RBFOX1: variants seen among roughly 807,000 people sequenced by gnomAD.
RBFOX1 encodes RNA binding fox-1 homolog 1.
A neutral mutation model predicts 57.7 loss-of-function variants in RBFOX1; 8 were observed. The observed-to-expected ratio is 0.14, with a 90% confidence interval of 0.08 to 0.25. The LOEUF (loss-of-function observed/expected upper bound fraction) is 0.25. Among genes scored for constraint, RBFOX1 ranks in the 10% least tolerant of loss-of-function variants. RBFOX1 has a pLI of 1.00. For missense variants in RBFOX1, 611 were observed against 548.5 expected, an observed-to-expected ratio of 1.11 and a Z score of -1.14; for synonymous variants, 326 against 222.4, an observed-to-expected ratio of 1.47 and a Z score of -4.15.
At chr16:7,066,592 C>G (rs2056096863) in intron 4 of RBFOX1, among the ~76,000 whole-genome samples, 2 of 152,120 alleles carry the variant, frequency 1.3e-5, no homozygotes, top group Non-Finnish European at 2.9e-5. Flanking sequence ...CCTTCTTGAC[C>G]CTGACTCATA....
chr16:7,420,105 G>C (rs938345282), intron 4 of RBFOX1, among the ~76,000 whole-genome samples: 1 of 151,918 alleles, frequency 6.6e-6, no homozygotes, highest in African/African-American at 2.4e-5. Flanking sequence ...CCTGTTCAGC[G>C]TTTGACAACT....
intron 4 of RBFOX1, among the ~76,000 whole-genome samples, chr16:7,152,856 A>G (rs907758906): frequency 6.6e-6 from 1 of 152,200 alleles, no homozygotes; most frequent in African/African-American, 2.4e-5. Flanking sequence ...TCTTGCATGA[A>G]GGCACTTAAT....
intron 7 of RBFOX1, among the ~76,000 whole-genome samples, chr16:7,591,330 G>C (rs901935518): frequency 6.6e-6 from 1 of 152,102 alleles, no homozygotes; most frequent in South Asian, 2.1e-4. Flanking sequence ...AGAAACTAGA[G>C]GACTGGATTT....
At chr16:6,221,515 G>C (rs1293210730) in intron 1 of RBFOX1, among the ~76,000 whole-genome samples, 9 of 152,160 alleles carry the variant, frequency 5.9e-5, no homozygotes, top group East Asian at 5.8e-4. Flanking sequence ...TTCAATATGA[G>C]TCAGTATTCC....
intron 4 of RBFOX1, chr16:7,304,220 GAGAGAGA>G: frequency 1.8e-6 from 1 of 568,102 alleles, no homozygotes; most frequent in Admixed American, 6.9e-5. Flanking sequence ...GAGACAGAGA[GAGAGAGA>G]GAGAGAGAGA....
chr16:7,691,327 C>A (rs2077268303), intron 14 of RBFOX1, among the ~76,000 whole-genome samples: 1 of 147,036 alleles, frequency 6.8e-6, no homozygotes. Flanking sequence ...AAGAAGAGAC[C>A]AGGGGTAAAA....
chr16:6,794,598 C>T (rs754387672), intron 3 of RBFOX1, among the ~76,000 whole-genome samples: 1 of 152,070 alleles, frequency 6.6e-6, no homozygotes, highest in East Asian at 1.9e-4. Flanking sequence ...ATTCAGTGAC[C>T]TACATATAAA....
chr16:6,976,506 G>C (rs1218806159), intron 3 of RBFOX1, among the ~76,000 whole-genome samples: 1 of 152,010 alleles, frequency 6.6e-6, no homozygotes, highest in African/African-American at 2.4e-5. Context: ...TCTCACACCA[G>C]AAAGAATTTG....
intron 3 of RBFOX1, among the ~76,000 whole-genome samples, chr16:6,999,169 T>TTTTTTTTTTATTTTA (rs2092540690): frequency 9.4e-5 from 12 of 128,018 alleles, no homozygotes; most frequent in African/African-American, 3.2e-4. Context: ...GAGCCTGGCC[T>TTTTTTTTTTATTTTA]TTTTATTTTA....
intron 1 of RBFOX1, among the ~76,000 whole-genome samples, chr16:6,135,446 G>A (rs993694227): frequency 4.9e-4 from 75 of 152,310 alleles, no homozygotes; most frequent in Non-Finnish European, 1.0e-3. Context: ...AGTGGTGGGA[G>A]TGTATAAAAT....
At chr16:5,312,630 T>C (rs1040590015) in intron 1 of RBFOX1, among the ~76,000 whole-genome samples, 2 of 152,196 alleles carry the variant, frequency 1.3e-5, no homozygotes, top group Non-Finnish European at 2.9e-5. Context: ...TCTTAAATTA[T>C]AGATGATATG....
intron 4 of RBFOX1, among the ~76,000 whole-genome samples, chr16:7,487,764 C>T (rs2065814747): frequency 6.6e-6 from 1 of 152,172 alleles, no homozygotes; most frequent in African/African-American, 2.4e-5. Flanking sequence ...AGTGCCTCCT[C>T]ATTCAGCACT....
At chr16:5,877,850 G>C (rs1195651451) in intron 4 of RBFOX1, among the ~76,000 whole-genome samples, 1 of 152,216 alleles carries the variant, frequency 6.6e-6, no homozygotes, top group East Asian at 1.9e-4. Context: ...TAAGTCCTGG[G>C]TGTTCCCATG....
At chr16:6,041,158 C>T (rs1400940351) in intron 1 of RBFOX1, among the ~76,000 whole-genome samples, 1 of 152,152 alleles carries the variant, frequency 6.6e-6, no homozygotes, top group Non-Finnish European at 1.5e-5. Flanking sequence ...TCATCTTTTT[C>T]CTGTTTTGCC....
chr16:5,688,189 T>C (rs2050561924), intron 3 of RBFOX1, among the ~76,000 whole-genome samples: 1 of 152,208 alleles, frequency 6.6e-6, no homozygotes, highest in South Asian at 2.1e-4. Flanking sequence ...AGGCTAAATT[T>C]AGATTACACC....
At chr16:6,033,236 G>T (rs2095315585) in intron 1 of RBFOX1, among the ~76,000 whole-genome samples, 1 of 152,194 alleles carries the variant, frequency 6.6e-6, no homozygotes, top group African/African-American at 2.4e-5. Flanking sequence ...GGGATAATTT[G>T]CCAGCATGTA....
chr16:6,769,326 G>GT (rs2077910983), intron 3 of RBFOX1, among the ~76,000 whole-genome samples: 1 of 152,180 alleles, frequency 6.6e-6, no homozygotes, highest in South Asian at 2.1e-4. Context: ...ATGTGGAACT[G>GT]TAAGTCTATT....
chr16:5,538,112 G>A (rs763137964), intron 2 of RBFOX1, among the ~76,000 whole-genome samples: 10 of 152,230 alleles, frequency 6.6e-5, no homozygotes, highest in South Asian at 2.1e-4. Context: ...TGGTTGACTC[G>A]AGCAGGAACA....
chr16:7,305,488 G>A (rs1190920782), intron 4 of RBFOX1, among the ~76,000 whole-genome samples: 1 of 152,122 alleles, frequency 6.6e-6, no homozygotes, highest in African/African-American at 2.4e-5. Flanking sequence ...CCTATTCTAT[G>A]AAGGTTTACA....
Sources: gnomAD v4.1 joint callset for allele counts (sites outside exome capture counted in the v4.1 genomes callset) on GRCh38, gnomAD v4.1.1 for gene constraint, MANE v1.5 for transcripts, NCBI Gene and HGNC (gene_info 2026-07-23, HGNC 2026-07-21) for gene names.